Variants in CECR2 observed in about 807,000 individuals in gnomAD.
CECR2 encodes the protein CECR2 histone acetyl-lysine reader.
In CECR2, 30 loss-of-function variants were observed where a neutral mutation model predicts 154.5. The observed-to-expected ratio is 0.19, with a 90% CI of 0.15 to 0.26. The LOEUF (loss-of-function observed/expected upper bound fraction) is 0.26, where lower values mean the gene tolerates loss of function less well. CECR2 is among the 10% of genes least tolerant of loss of function. The probability of loss-of-function intolerance (pLI) is 1.00; values close to 1 mark genes in which losing one functional copy is unlikely to be tolerated. For synonymous variants in CECR2, 725 were observed against 683.7 expected (o/e 1.06, Z -0.94); for missense variants, 1,743 against 1,829.3 (o/e 0.95, Z 0.86).
chr22:17,414,159 A>G (rs556500995), intron 1 of CECR2, among the ~76,000 whole-genome samples: 1 of 150,678 alleles, frequency 6.6e-6, no homozygotes, highest in East Asian at 1.9e-4. Flanking sequence ...TTTTTAGTAG[A>G]GATGGGATTT....
At position 17,494,435 on chromosome 22, in the gene CECR2, C is replaced by T. The variant is rs527506602; in HGVS notation, c.222-2968C>T. ...GAACTACTCTTTGCCCGGCTCCTCA[C>T]TCTGGAAGGGTTGGTAGCAACTTCA... On this transcript the variant is annotated intron_variant, in intron 2 of 18. Transcript: ENST00000262608. Among the ~76,000 whole-genome samples, 77 of 152,322 alleles carry T rather than the reference C, an allele frequency of 5.1e-4. 1 individual carries two copies. The highest frequency in any genetic ancestry group is 1.7e-3 in the African/African-American group (71 of 41,596).
chr22:17,492,750 A>G (rs1692214678), intron 2 of CECR2, among the ~76,000 whole-genome samples: 1 of 152,216 alleles, frequency 6.6e-6, no homozygotes, highest in African/African-American at 2.4e-5. Flanking sequence ...TGATCTTTGC[A>G]TTACTATTTT....
chr22:17,505,971 A>G lies in CECR2; in HGVS notation c.870+955A>G, dbSNP rs1338565987. Among the ~76,000 whole-genome samples the G allele has an allele frequency of 1.3e-5, 2 of 150,802 alleles. 1 individual carries two copies. The highest frequency in any genetic ancestry group is 2.9e-5 in the Non-Finnish European group (2 of 67,828). On this transcript the variant is annotated intron_variant, in intron 7 of 18. Transcript: ENST00000262608. ...GTGATCCTCTCATCTCAACCTCCCAAGTAGCTGGGGACACAGGCTCGTGCC... is the reference window on the plus strand; with the variant it reads ...GTGATCCTCTCATCTCAACCTCCCAGGTAGCTGGGGACACAGGCTCGTGCC...
intron 1 of CECR2, among the ~76,000 whole-genome samples, chr22:17,373,022 T>C (rs2084039095): frequency 6.6e-6 from 1 of 152,158 alleles, no homozygotes; most frequent in Non-Finnish European, 1.5e-5. Flanking sequence ...TAGAAAACTG[T>C]CCCCAAAACG....
chr22:17,384,717 C>G (rs2063238815), intron 1 of CECR2, among the ~76,000 whole-genome samples: 1 of 152,196 alleles, frequency 6.6e-6, no homozygotes, highest in Non-Finnish European at 1.5e-5. Flanking sequence ...GTAGGATTTT[C>G]AGAATGGTGA....
intron 3 of CECR2, among the ~76,000 whole-genome samples, chr22:17,499,035 G>C (rs1013047002): frequency 1.3e-5 from 2 of 152,172 alleles, no homozygotes; most frequent in East Asian, 3.9e-4. Context: ...TGTCGCCCAG[G>C]CTGGAGTGCA....
Position 17,537,423 on chromosome 22 carries a change from ACT to A in CECR2, c.1238+194_1238+195del, listed in dbSNP as rs561183652. On this transcript the variant is annotated intron_variant, in intron 10 of 18. Coordinates refer to ENST00000262608, the MANE Select transcript of CECR2 (RefSeq NM_001290047.2). The stretch of plus-strand genomic sequence containing the variant: ...TGGCCTCTGACACTCTTGCTGCCAC[ACT>A]CTGTGATACTTAACACTAAGCTCTT... Among the ~76,000 whole-genome samples, 593 of 152,174 alleles carry A rather than the reference ACT, an allele frequency of 3.9e-3. 4 individuals carry two copies. Among genetic ancestry groups the A allele is most frequent in the Middle Eastern group, 0.01 (3 of 294 alleles).
At chr22:17,467,768 G>A (rs1421572453) in intron 1 of CECR2, among the ~76,000 whole-genome samples, 3 of 150,768 alleles carry the variant, frequency 2.0e-5, no homozygotes, top group Non-Finnish European at 1.5e-5. Flanking sequence ...CACAACAAAA[G>A]CAAAACTCAG....
At chr22:17,415,017 G>C (rs1421272341) in intron 1 of CECR2, among the ~76,000 whole-genome samples, 1 of 152,104 alleles carries the variant, frequency 6.6e-6, no homozygotes, top group Non-Finnish European at 1.5e-5. Flanking sequence ...TTACTAAATT[G>C]TCTCTTACTT....
In CECR2 at chr22:17,555,278, C is replaced by T. The variant is rs949741251; in HGVS notation, c.*2438C>T. On this transcript the variant is annotated 3_prime_UTR_variant, in exon 19 of 19. Transcript: ENST00000262608. ...ATCCTTAATCTCCCTTCTTGGTTTT[C>T]GACAGAAAATATTAAGGAAGAGCAA... 1 of 152,144 alleles carries T rather than the reference C, an allele frequency of 6.6e-6. No individual in the cohort carries two copies. Among genetic ancestry groups the T allele is most frequent in the Non-Finnish European group, 1.5e-5 (1 of 68,036 alleles). 9.4% of individuals were successfully genotyped at this position (152,144 alleles called of 1,614,324 possible).
chr22:17,503,327 T>A (rs920249099), intron 6 of CECR2, among the ~76,000 whole-genome samples, 196 bp downstream of exon 6: 2 of 152,206 alleles, frequency 1.3e-5, no homozygotes, highest in Non-Finnish European at 2.9e-5. Flanking sequence ...AGGATTAAGA[T>A]CAGAACTAGA....
At chr22:17,414,554 T>C (rs899087964) in intron 1 of CECR2, among the ~76,000 whole-genome samples, 2 of 151,090 alleles carry the variant, frequency 1.3e-5, no homozygotes, top group African/African-American at 4.9e-5. Flanking sequence ...CTAGGGTACA[T>C]GTGCACAACG....
intron 1 of CECR2, among the ~76,000 whole-genome samples, chr22:17,425,287 T>C (rs1463376945): frequency 1.3e-5 from 2 of 152,134 alleles, no homozygotes; most frequent in African/African-American, 4.8e-5. Context: ...GGTGAATATG[T>C]ATGTAGCAGC....
intron 1 of CECR2, among the ~76,000 whole-genome samples, chr22:17,445,543 T>TTA (rs2054645750): frequency 2.1e-5 from 3 of 141,438 alleles, no homozygotes; most frequent in Non-Finnish European, 4.6e-5. Flanking sequence ...TGCTCTATAC[T>TTA]TTATTATTAT....
At chr22:17,447,531 G>A (rs2054693116) in intron 1 of CECR2, among the ~76,000 whole-genome samples, 1 of 151,904 alleles carries the variant, frequency 6.6e-6, no homozygotes, top group South Asian at 2.1e-4. Context: ...GGGCAACAGA[G>A]CAAGAACTTG....
intron 1 of CECR2, among the ~76,000 whole-genome samples, chr22:17,459,501 CAG>C (rs2054904833): frequency 6.6e-6 from 1 of 152,078 alleles, no homozygotes; most frequent in African/African-American, 2.4e-5. Flanking sequence ...TTTGTAAAGA[CAG>C]AGTTTCACCA....
At chr22:17,537,857 G>A (rs1283730093) in intron 10 of CECR2, among the ~76,000 whole-genome samples, 2 of 152,084 alleles carry the variant, frequency 1.3e-5, no homozygotes, top group Non-Finnish European at 2.9e-5. Flanking sequence ...AATTAGGTGA[G>A]GTGGCACATG....
intron 1 of CECR2, among the ~76,000 whole-genome samples, chr22:17,469,612 A>G (rs868450462): frequency 2.4e-4 from 27 of 114,602 alleles, no homozygotes; most frequent in Non-Finnish European, 1.8e-4. Context: ...TTTTTTTTCC[A>G]GTAAGAATCC....
chr22:17,378,150 A>AT (rs1471587918), intron 1 of CECR2, among the ~76,000 whole-genome samples: 1 of 149,744 alleles, frequency 6.7e-6, no homozygotes, highest in Non-Finnish European at 1.5e-5. Flanking sequence ...CGCCCGGCTA[A>AT]TTTTTTGTGT....
Sources: allele counts gnomAD v4.1 joint callset (sites outside exome capture counted in the v4.1 genomes callset), GRCh38; gene constraint gnomAD v4.1.1; transcripts MANE v1.5; gene names NCBI Gene and HGNC (gene_info 2026-07-23, HGNC 2026-07-21).